THSD7B: variants seen among roughly 807,000 people sequenced by gnomAD.
The protein encoded by THSD7B is thrombospondin type-1 domain-containing protein 7B.
In THSD7B, 138 loss-of-function variants were observed where a neutral mutation model predicts 213.6. The observed-to-expected ratio is 0.65, with a 90% CI of 0.56 to 0.74. The LOEUF (loss-of-function observed/expected upper bound fraction) is 0.74. Ranked by LOEUF, THSD7B falls within the 30% of genes least tolerant of loss-of-function variation. The pLI is 0.00. For missense variants in THSD7B, 1,931 were observed against 1,991.5 expected, an observed-to-expected ratio of 0.97 and a Z score of 0.58; for synonymous variants, 742 against 687.0, an observed-to-expected ratio of 1.08 and a Z score of -1.25.
chr2:137,462,351 A>G (rs1687902026), intron 15 of THSD7B, among the ~76,000 whole-genome samples: 1 of 151,928 alleles, frequency 6.6e-6, no homozygotes, highest in African/African-American at 2.4e-5. Flanking sequence ...AACAGCATTC[A>G]CTCACTCCCT....
intron 10 of THSD7B, among the ~76,000 whole-genome samples, chr2:137,248,580 C>G (rs1682095142): frequency 1.3e-5 from 2 of 152,150 alleles, no homozygotes; most frequent in Non-Finnish European, 2.9e-5. Context: ...ATAACCTATT[C>G]TGGATTCCAG....
intron 15 of THSD7B, among the ~76,000 whole-genome samples, chr2:137,526,135 A>C (rs1358324302): frequency 1.3e-5 from 2 of 152,010 alleles, no homozygotes; most frequent in Non-Finnish European, 1.5e-5. Flanking sequence ...GCAGAGAGAG[A>C]GCCATGTCCC....
At chr2:137,333,666 T>G (rs1217853373) in intron 12 of THSD7B, among the ~76,000 whole-genome samples, 2 of 152,352 alleles carry the variant, frequency 1.3e-5, no homozygotes, top group South Asian at 2.1e-4. Context: ...CAAGTTTCAC[T>G]TACGAATTTG....
intron 15 of THSD7B, among the ~76,000 whole-genome samples, chr2:137,496,859 C>T (rs1679580141): frequency 6.6e-6 from 1 of 151,898 alleles, no homozygotes; most frequent in South Asian, 2.1e-4. Context: ...TATCATGTGC[C>T]CGGTCTTAGA....
At chr2:137,259,953 G>A (rs1003789595) in intron 10 of THSD7B, among the ~76,000 whole-genome samples, 3 of 151,930 alleles carry the variant, frequency 2.0e-5, no homozygotes, top group African/African-American at 7.3e-5. Context: ...GTGTGTGGTG[G>A]AGGTTGTAGG....
intron 3 of THSD7B, among the ~76,000 whole-genome samples, chr2:137,093,376 T>G (rs1687987202): frequency 6.6e-6 from 1 of 152,170 alleles, no homozygotes; most frequent in African/African-American, 2.4e-5. Context: ...GAGAGGAGGC[T>G]TGATTTGTAG....
chr2:137,210,205 C>T (rs1489911817), intron 7 of THSD7B, among the ~76,000 whole-genome samples: 1 of 152,064 alleles, frequency 6.6e-6, no homozygotes, highest in Non-Finnish European at 1.5e-5. Context: ...GCATGATACT[C>T]ATTTTCCTTC....
At chr2:137,159,258 C>G (rs1294372695) in intron 5 of THSD7B, among the ~76,000 whole-genome samples, 1 of 151,902 alleles carries the variant, frequency 6.6e-6, no homozygotes, top group East Asian at 1.9e-4. Context: ...ATAGGGAGAC[C>G]TTCTCTCTAC....
chr2:137,059,847 AT>A (rs1687238681), intron 3 of THSD7B, among the ~76,000 whole-genome samples: 2 of 152,104 alleles, frequency 1.3e-5, no homozygotes, highest in South Asian at 4.1e-4. Context: ...TATGTGTGTA[AT>A]TTTTTGTGAA....
At chr2:137,234,390 A>G (rs906453808) in intron 9 of THSD7B, among the ~76,000 whole-genome samples, 3 of 152,224 alleles carry the variant, frequency 2.0e-5, no homozygotes, top group Admixed American at 2.0e-4. Flanking sequence ...CACTTTGGCC[A>G]TGTGTAAGGA....
intron 20 of THSD7B, among the ~76,000 whole-genome samples, chr2:137,640,334 C>T (rs1446961299): frequency 6.6e-6 from 1 of 152,168 alleles, no homozygotes; most frequent in Non-Finnish European, 1.5e-5. Flanking sequence ...TGAGGCCTCC[C>T]CAGCCATGTG....
intron 20 of THSD7B, among the ~76,000 whole-genome samples, chr2:137,626,793 C>A (rs185032423): frequency 7.9e-4 from 120 of 152,308 alleles, no homozygotes; most frequent in African/African-American, 2.8e-3. Flanking sequence ...TTCCACAAAG[C>A]TGTAGGGGCA....
chr2:136,977,014 A>G (rs1685492136), intron 2 of THSD7B, among the ~76,000 whole-genome samples: 1 of 152,140 alleles, frequency 6.6e-6, no homozygotes. Flanking sequence ...CTCCTTTTAA[A>G]TTGTTTGAAA....
At chr2:136,833,433 A>ATTTTTTTTTTTTTTTT (rs56778387) in intron 1 of THSD7B, among the ~76,000 whole-genome samples, 1 of 112,072 alleles carries the variant, frequency 8.9e-6, no homozygotes, top group African/African-American at 3.4e-5. Flanking sequence ...ATTATTTTCT[A>ATTTTTTTTTTTTTTTT]TTTTTTTTTT....
intron 2 of THSD7B, among the ~76,000 whole-genome samples, chr2:137,012,753 G>T (rs932776748): frequency 1.3e-5 from 2 of 152,210 alleles, no homozygotes; most frequent in African/African-American, 2.4e-5. Flanking sequence ...ACTCCACTTC[G>T]CATGGAGAGT....
At chr2:137,588,802 C>T (rs143092877) in intron 17 of THSD7B, among the ~76,000 whole-genome samples, 3,027 of 141,822 alleles carry the variant, frequency 0.021, 47 homozygotes, top group Middle Eastern at 0.074. Context: ...ATTTATTTTT[C>T]GAGATGGAGT....
At position 137,303,714 on chromosome 2, in the gene THSD7B, A is replaced by ATT. The variant is rs1558749646; in HGVS notation, c.2500+27690_2500+27691dup. Among the ~76,000 whole-genome samples, 175 of 139,716 alleles carry ATT rather than the reference A, an allele frequency of 1.3e-3. 9 individuals are homozygous for ATT. Among genetic ancestry groups the ATT allele is most frequent in the African/African-American group, 3.4e-3 (126 of 36,558 alleles). 91.7% of individuals were successfully genotyped at this position (139,716 alleles called of 152,430 possible). The stretch of plus-strand genomic sequence containing the variant: ...TATATTTATATATATTTATATATAT[A>ATT]TTTATATATATATTTATATATATAT... On this transcript the variant is annotated intron_variant, in intron 12 of 27. Transcript: ENST00000409968.
rs1681373592 is a variant in THSD7B at position 136,765,666 on chromosome 2, G to T, written c.-57G>T. 2.0e-5 allele frequency: 3 copies of T among 152,208 alleles called. No individual in the cohort carries two copies. Among genetic ancestry groups the T allele is most frequent in the South Asian group, 2.1e-4 (1 of 4,836 alleles). The allele number at this position is 152,208 out of a possible 1,614,324, so 9.4% of individuals were successfully genotyped here. On this transcript the variant is annotated 5_prime_UTR_variant, in exon 1 of 28. Coordinates refer to ENST00000409968, the MANE Select transcript of THSD7B (RefSeq NM_001316349.2). ...GGGCTCAGCGGCTCCCAGAGGTTAC[G>T]GCGGCGGCTCTGGCGAGACGGGTGA...
intron 1 of THSD7B, among the ~76,000 whole-genome samples, chr2:136,840,072 G>C (rs894757989): frequency 1.3e-5 from 2 of 152,094 alleles, no homozygotes; most frequent in Non-Finnish European, 2.9e-5. Flanking sequence ...ATATAACTGA[G>C]TATGCAAAAG....
Sources: gnomAD v4.1 joint callset for allele counts (sites outside exome capture counted in the v4.1 genomes callset) on GRCh38, gnomAD v4.1.1 for gene constraint, MANE v1.5 for transcripts, NCBI Gene and HGNC (gene_info 2026-07-23, HGNC 2026-07-21) for gene names.